CYB5B: variants seen among roughly 807,000 people sequenced by gnomAD.
CYB5B encodes the protein cytochrome b5 type B.
Under a neutral mutation model 21.3 loss-of-function variants are expected in CYB5B, and 14 were observed. The observed-to-expected ratio is 0.66, with a 90% confidence interval of 0.43 to 1.03. The LOEUF (loss-of-function observed/expected upper bound fraction) is 1.03, where lower values mean the gene tolerates loss of function less well. CYB5B is among the 50% of genes least tolerant of loss of function. The pLI, the probability that CYB5B is intolerant of heterozygous loss-of-function variation, is 0.00. For missense variants in CYB5B, 166 were observed against 185.1 expected (o/e 0.90, Z 0.60); for synonymous variants, 69 against 68.4 (o/e 1.01, Z -0.04).
chr16:69,459,726 G>T (rs1300891965), intron 4 of CYB5B, among the ~76,000 whole-genome samples: 1 of 152,098 alleles, frequency 6.6e-6, no homozygotes, highest in Non-Finnish European at 1.5e-5. Flanking sequence ...AGATTATATA[G>T]AGCTAGCCAT....
intron 1 of CYB5B, among the ~76,000 whole-genome samples, chr16:69,426,550 C>T (rs2014649240): frequency 6.7e-6 from 1 of 149,158 alleles, no homozygotes; most frequent in Non-Finnish European, 1.5e-5. Context: ...ACTAAAAATA[C>T]AAAAATTAGC....
chr16:69,439,632 ACTCTGCT>A (rs1187891003), intron 1 of CYB5B, among the ~76,000 whole-genome samples: 2 of 147,122 alleles, frequency 1.4e-5, no homozygotes, highest in African/African-American at 5.0e-5. Flanking sequence ...AGTGGCATGA[ACTCTGCT>A]CACTGTAACC....
chr16:69,427,755 C>G (rs561201832), intron 1 of CYB5B, among the ~76,000 whole-genome samples: 4 of 151,820 alleles, frequency 2.6e-5, no homozygotes, highest in Admixed American at 2.6e-4. Context: ...CAGCACTTTG[C>G]GAGGCGAAGG....
chr16:69,449,059 G>A (rs1479606173), intron 3 of CYB5B: 1 of 152,162 alleles, frequency 6.6e-6, no homozygotes, highest in Non-Finnish European at 1.5e-5. Context: ...GAGTGTTTGT[G>A]TAAATTAACT....
In CYB5B at chr16:69,424,786, C is replaced by G. The variant is rs745373780; in HGVS notation, c.103C>G (p.Arg35Gly). 6.2e-7 allele frequency: 1 copy of G among 1,609,170 alleles called. No individual in the cohort carries two copies. The highest frequency in any genetic ancestry group is 8.5e-7 in the Non-Finnish European group (1 of 1,177,648). Residue 35 changes from arginine (R) to glycine (G), a missense_variant, in exon 1 of 5, where the codon CGC (arginine) becomes GGC (glycine). By Grantham distance (125) the Arg-to-Gly change is moderately radical. Coordinates refer to ENST00000307892, the MANE Select transcript of CYB5B (RefSeq NM_030579.3). ...TYYRLEEVAK[R>G]NSLKELWLVI... ...TTACCGGTTGGAGGAGGTGGCAAAGCGCAACTCCTTGAAGGAACTGTGGCT... is the reference window on the plus strand; with the variant it reads ...TTACCGGTTGGAGGAGGTGGCAAAGGGCAACTCCTTGAAGGAACTGTGGCT...
At chr16:69,438,940 A>G (rs1479173748) in intron 1 of CYB5B, among the ~76,000 whole-genome samples, 2 of 152,068 alleles carry the variant, frequency 1.3e-5, no homozygotes, top group East Asian at 1.9e-4. Flanking sequence ...TTGATGCTCA[A>G]AAGTTTTTAT....
At chr16:69,425,196 G>A (rs1017305967) in intron 1 of CYB5B, among the ~76,000 whole-genome samples, 1 of 152,222 alleles carries the variant, frequency 6.6e-6, no homozygotes, top group African/African-American at 2.4e-5. Flanking sequence ...GGGCCATAGA[G>A]TTAGCAGCTT....
intron 3 of CYB5B, among the ~76,000 whole-genome samples, chr16:69,457,496 A>G (rs1473596615): frequency 6.6e-6 from 1 of 152,182 alleles, no homozygotes; most frequent in African/African-American, 2.4e-5. Context: ...ATGGAATTCA[A>G]TTATTTCTCG....
chr16:69,447,520 G>A (rs2014889692), intron 2 of CYB5B, among the ~76,000 whole-genome samples: 1 of 151,824 alleles, frequency 6.6e-6, no homozygotes, highest in Non-Finnish European at 1.5e-5. Flanking sequence ...GCGCACACTT[G>A]TAATTCCAGC....
chr16:69,446,600 AG>A (rs2014880876), intron 1 of CYB5B, among the ~76,000 whole-genome samples: 1 of 152,240 alleles, frequency 6.6e-6, no homozygotes, highest in South Asian at 2.1e-4. Flanking sequence ...CTGGGATTAC[AG>A]GCATGAGCCA....
intron 3 of CYB5B, chr16:69,449,850 T>G (rs2014914901): frequency 6.6e-6 from 1 of 152,192 alleles, no homozygotes. Flanking sequence ...TAGGAAAATT[T>G]AATTCTCTTC....
intron 2 of CYB5B, among the ~76,000 whole-genome samples, 168 bp from the exon 3 acceptor site, chr16:69,447,947 G>C (rs186741598): frequency 3.0e-4 from 45 of 151,870 alleles, no homozygotes; most frequent in Non-Finnish European, 5.4e-4. Context: ...TCTAACAAGG[G>C]ACTCTGATAT....
chr16:69,447,352 G>A (rs2014888060), intron 2 of CYB5B, 74 bp downstream of exon 2: 2 of 1,551,724 alleles, frequency 1.3e-6, no homozygotes, highest in Non-Finnish European at 1.7e-6. Context: ...ATGAAGAAAT[G>A]AATTATTGGC....
chr16:69,457,886 GC>G (rs779599431), intron 3 of CYB5B, among the ~76,000 whole-genome samples: 2 of 152,148 alleles, frequency 1.3e-5, no homozygotes, highest in South Asian at 4.1e-4. Flanking sequence ...GTATATTGGG[GC>G]CAATGTGATT....
intron 4 of CYB5B, among the ~76,000 whole-genome samples, chr16:69,462,093 G>A (rs1387216211): frequency 2.0e-5 from 3 of 152,092 alleles, no homozygotes; most frequent in Non-Finnish European, 4.4e-5. Flanking sequence ...TAGAATACGT[G>A]AAAAGCAAAA....
chr16:69,427,345 T>C (rs1422605883), intron 1 of CYB5B, among the ~76,000 whole-genome samples: 2 of 152,326 alleles, frequency 1.3e-5, no homozygotes, highest in East Asian at 1.9e-4. Context: ...ACTCAGCCCT[T>C]ACAGAGAGCA....
intron 1 of CYB5B, among the ~76,000 whole-genome samples, chr16:69,427,717 G>A (rs1211079525): frequency 1.3e-5 from 2 of 151,086 alleles, no homozygotes; most frequent in African/African-American, 4.9e-5. Context: ...GGTCCCACTG[G>A]CTGGGTGTGG....
In CYB5B at chr16:69,463,452, G is replaced by C. The variant is rs1420442592; in HGVS notation, c.*932G>C. 1 of 152,102 alleles carries C rather than the reference G, an allele frequency of 6.6e-6. No individual in the cohort carries two copies. Among genetic ancestry groups the C allele is most frequent in the East Asian group, 1.9e-4 (1 of 5,200 alleles). The allele number at this position is 152,102 out of a possible 1,614,324, so 9.4% of individuals were successfully genotyped here. ...ATAGGAGTTTAGAGAAGGCACCAAA[G>C]CTTTCACTTTGGTTTGGCACCAGTT... On this transcript the variant is annotated 3_prime_UTR_variant, in exon 5 of 5. Coordinates refer to ENST00000307892, the MANE Select transcript of CYB5B (RefSeq NM_030579.3).
intron 3 of CYB5B, among the ~76,000 whole-genome samples, chr16:69,458,294 C>T (rs1597287487): frequency 1.3e-5 from 2 of 152,110 alleles, no homozygotes; most frequent in Non-Finnish European, 2.9e-5. Flanking sequence ...TTTTCCATTT[C>T]CCCACAACTC....
Sources: gnomAD v4.1 joint callset for allele counts (sites outside exome capture counted in the v4.1 genomes callset) on GRCh38, gnomAD v4.1.1 for gene constraint, MANE v1.5 for transcripts, NCBI Gene and HGNC (gene_info 2026-07-23, HGNC 2026-07-21) for gene names.